The following OSBPL8 variants were observed in gnomAD, a reference collection of about 807,000 sequenced individuals.
OSBPL8 encodes oxysterol binding protein like 8.
OSBPL8 carries 59 observed loss-of-function variants against 125.5 expected under a neutral mutation model. That is an observed-to-expected ratio of 0.47 (90% CI 0.38 to 0.58). OSBPL8 has a LOEUF of 0.58. OSBPL8 is among the 20% of genes least tolerant of loss of function. The pLI is 0.00. For synonymous variants in OSBPL8, 330 were observed against 338.9 expected, an observed-to-expected ratio of 0.97 and a Z score of 0.29; for missense variants, 758 against 1,047.8, an observed-to-expected ratio of 0.72 and a Z score of 3.82.
chr12:76,395,088 A>T (rs1565859774), intron 8 of OSBPL8, among the ~76,000 whole-genome samples: 1 of 152,162 alleles, frequency 6.6e-6, no homozygotes, highest in South Asian at 2.1e-4. Context: ...CTAGAAGGCT[A>T]AAGAAAGCAT....
intron 22 of OSBPL8, among the ~76,000 whole-genome samples, chr12:76,357,170 C>T (rs1952018758): frequency 6.6e-6 from 1 of 152,120 alleles, no homozygotes; most frequent in South Asian, 2.1e-4. Flanking sequence ...AATCAGCAAG[C>T]TGTACATGTT....
At chr12:76,495,636 C>A (rs1188436818) in intron 1 of OSBPL8, among the ~76,000 whole-genome samples, 15 of 151,998 alleles carry the variant, frequency 9.9e-5, no homozygotes, top group Non-Finnish European at 2.2e-4. Flanking sequence ...AAAAGGCAAA[C>A]GACAATGACA....
At chr12:76,364,787 T>C (rs1296998597) in intron 21 of OSBPL8, among the ~76,000 whole-genome samples, 2 of 152,210 alleles carry the variant, frequency 1.3e-5, no homozygotes, top group Non-Finnish European at 2.9e-5. Flanking sequence ...TAGTAAGTTT[T>C]GAAATCGAAA....
chr12:76,367,228 T>TGGGG (rs201766227), intron 21 of OSBPL8, among the ~76,000 whole-genome samples: 7 of 104,026 alleles, frequency 6.7e-5, no homozygotes, highest in Non-Finnish European at 1.5e-4. Context: ...CTTTGTTGAT[T>TGGGG]GGTGTGTGTG....
chr12:76,361,753 A>G (rs1303607968), intron 21 of OSBPL8, among the ~76,000 whole-genome samples: 1 of 152,220 alleles, frequency 6.6e-6, no homozygotes, highest in Non-Finnish European at 1.5e-5. Flanking sequence ...TAAAACCAGC[A>G]GATCTCATGA....
At chr12:76,425,293 G>C (rs769210552) in intron 4 of OSBPL8, among the ~76,000 whole-genome samples, 17 of 152,034 alleles carry the variant, frequency 1.1e-4, no homozygotes, top group Non-Finnish European at 1.8e-4. Flanking sequence ...TTCTCAGCTG[G>C]GGTTCTGCAA....
chr12:76,543,818 T>C (rs978878435), intron 1 of OSBPL8, among the ~76,000 whole-genome samples: 13 of 152,098 alleles, frequency 8.5e-5, no homozygotes, highest in African/African-American at 1.7e-4. Context: ...CATCAAAGAG[T>C]ATACTCTGAC....
At chr12:76,473,761 G>A (rs1876464819) in intron 2 of OSBPL8, among the ~76,000 whole-genome samples, 1 of 152,110 alleles carries the variant, frequency 6.6e-6, no homozygotes, top group Non-Finnish European at 1.5e-5. Context: ...TAGTATTCAA[G>A]GCCCTGTATG....
chr12:76,447,988 T>A (rs575731413), intron 4 of OSBPL8, among the ~76,000 whole-genome samples: 1 of 152,188 alleles, frequency 6.6e-6, no homozygotes, highest in Admixed American at 6.5e-5. Context: ...GTAGAAAGAT[T>A]TGGGGAAAAC....
At chr12:76,382,600 C>G (rs971025307) in intron 15 of OSBPL8, among the ~76,000 whole-genome samples, 4 of 152,022 alleles carry the variant, frequency 2.6e-5, no homozygotes, top group African/African-American at 9.7e-5. Context: ...ATGTCACAGT[C>G]GGCTGGGTGC....
At chr12:76,486,147 TC>T in intron 2 of OSBPL8, 1 of 356,464 alleles carries the variant, frequency 2.8e-6, no homozygotes, top group Non-Finnish European at 5.5e-6. Context: ...CTTTTTTTGA[TC>T]ATTTAAGAAC....
intron 12 of OSBPL8, among the ~76,000 whole-genome samples, chr12:76,387,322 T>C (rs1953356070): frequency 6.6e-6 from 1 of 152,196 alleles, no homozygotes; most frequent in South Asian, 2.1e-4. Context: ...ACAAATATGA[T>C]GCAGAGCCAA....
At chr12:76,388,011 C>T (rs888619597) in intron 12 of OSBPL8, among the ~76,000 whole-genome samples, 1 of 152,060 alleles carries the variant, frequency 6.6e-6, no homozygotes, top group African/African-American at 2.4e-5. Flanking sequence ...AACAGTCTTG[C>T]TTTTCTTAAA....
In OSBPL8 at chr12:76,355,126, A is replaced by C. The variant is rs1019516056; in HGVS notation, c.*763T>G. 2.6e-5 allele frequency: 4 copies of C among 152,622 alleles called. No individual in the cohort carries two copies. Among genetic ancestry groups the C allele is most frequent in the Non-Finnish European group, 5.9e-5 (4 of 67,922 alleles). 9.5% of individuals were successfully genotyped at this position (152,622 alleles called of 1,614,324 possible). The stretch of plus-strand genomic sequence containing the variant: ...AAAAGGACAGCAATCAATTTTGACC[A>C]CACTTTTTTCAGCAAGTGCTTAAGG... On this transcript the variant is annotated 3_prime_UTR_variant, in exon 24 of 24. Coordinates refer to ENST00000261183, the MANE Select transcript of OSBPL8 (RefSeq NM_020841.5).
Position 76,362,762 on chromosome 12 carries a change from T to C in OSBPL8, c.2329-3951A>G, listed in dbSNP as rs548638914. On this transcript the variant is annotated intron_variant, in intron 21 of 23. Transcript: ENST00000261183. ...AAATTGTCTCTGTTTGCAGATGACA[T>C]GACTGTATATTTAGAAAACCCCATC... Among the ~76,000 whole-genome samples the C allele has an allele frequency of 3.3e-5, 5 of 152,324 alleles. No individual in the cohort carries two copies. The East Asian group carries it at 9.6e-4, about 29-fold the overall frequency.
At chr12:76,479,843 A>G (rs1877257467) in intron 2 of OSBPL8, among the ~76,000 whole-genome samples, 2 of 152,192 alleles carry the variant, frequency 1.3e-5, no homozygotes, top group African/African-American at 4.8e-5. Context: ...TGACTTATCA[A>G]CTAAGTCCAA....
chr12:76,382,527 G>A (rs1953106304), intron 15 of OSBPL8, among the ~76,000 whole-genome samples: 1 of 152,166 alleles, frequency 6.6e-6, no homozygotes, highest in African/African-American at 2.4e-5. Flanking sequence ...AATGTCTTCA[G>A]ACATTGCCAA....
At chr12:76,436,168 T>C (rs1214132443) in intron 4 of OSBPL8, among the ~76,000 whole-genome samples, 1 of 152,150 alleles carries the variant, frequency 6.6e-6, no homozygotes, top group Non-Finnish European at 1.5e-5. Flanking sequence ...TTGGTGCCAA[T>C]GCTTGCATCT....
At chr12:76,364,269 G>A (rs568236855) in intron 21 of OSBPL8, among the ~76,000 whole-genome samples, 159 of 152,216 alleles carry the variant, frequency 1.0e-3, no homozygotes, top group Non-Finnish European at 2.0e-3. Flanking sequence ...ATCAGTGATA[G>A]ATTGGATAAA....
Sources: gnomAD v4.1 joint callset for allele counts (sites outside exome capture counted in the v4.1 genomes callset) on GRCh38, gnomAD v4.1.1 for gene constraint, MANE v1.5 for transcripts, NCBI Gene and HGNC (gene_info 2026-07-23, HGNC 2026-07-21) for gene names.